Variants in ADAMTS18 observed in about 807,000 individuals in gnomAD.
ADAMTS18 encodes the protein A disintegrin and metalloproteinase with thrombospondin motifs 18.
In ADAMTS18, 157 loss-of-function variants were observed where a neutral mutation model predicts 165.9. The ratio of observed to expected loss-of-function variants is 0.95; its 90% CI spans 0.83 to 1.08. The LOEUF is 1.08. Ranked by LOEUF, ADAMTS18 falls within the 50% of genes least tolerant of loss-of-function variation. The probability of loss-of-function intolerance (pLI) is 0.00; values close to 1 mark genes in which losing one functional copy is unlikely to be tolerated. For synonymous variants in ADAMTS18, 782 were observed against 578.2 expected, an observed-to-expected ratio of 1.35 and a Z score of -5.06; for missense variants, 2,040 against 1,534.0, an observed-to-expected ratio of 1.33 and a Z score of -5.51.
At chr16:77,399,662 G>A (rs917050663) in intron 3 of ADAMTS18, among the ~76,000 whole-genome samples, 9 of 152,082 alleles carry the variant, frequency 5.9e-5, no homozygotes, top group Admixed American at 2.6e-4. Flanking sequence ...AGTTGTCTGG[G>A]GCTGCAAGTA....
At chr16:77,303,025 C>G (rs1171262372) in intron 16 of ADAMTS18, among the ~76,000 whole-genome samples, 1 of 152,202 alleles carries the variant, frequency 6.6e-6, no homozygotes, top group Non-Finnish European at 1.5e-5. Context: ...GGAACTCACA[C>G]AATCTCCCAT....
intron 18 of ADAMTS18, among the ~76,000 whole-genome samples, chr16:77,295,409 A>C (rs2055450190): frequency 6.6e-6 from 1 of 152,172 alleles, no homozygotes; most frequent in Non-Finnish European, 1.5e-5. Context: ...TCATTGAGCC[A>C]AATTTGTTGG....
At chr16:77,301,960 A>C (rs940745899) in intron 16 of ADAMTS18, among the ~76,000 whole-genome samples, 1 of 151,898 alleles carries the variant, frequency 6.6e-6, no homozygotes, top group Non-Finnish European at 1.5e-5. Flanking sequence ...TCTTGAAATC[A>C]AAGTCTTAGG....
At chr16:77,346,073 C>T (rs2056471388) in intron 10 of ADAMTS18, among the ~76,000 whole-genome samples, 1 of 152,126 alleles carries the variant, frequency 6.6e-6, no homozygotes, top group Non-Finnish European at 1.5e-5. Context: ...ACTGGCTGTT[C>T]CACTTCTTCA....
chr16:77,400,424 T>TTGTGTG lies in ADAMTS18; in HGVS notation c.495+30865_495+30870dup, dbSNP rs145473637. Among the ~76,000 whole-genome samples the TTGTGTG allele has an allele frequency of 3.1e-3, 419 of 136,052 alleles. 2 individuals carry two copies. The highest frequency in any genetic ancestry group is 4.8e-3 in the Admixed American group (65 of 13,498). 89.3% of individuals were successfully genotyped at this position (136,052 alleles called of 152,430 possible). A position where few individuals can be genotyped will look rare whatever the true frequency, so the allele number is the denominator to read the frequency against. Reference sequence around the variant, plus strand: ...AGTGAACATCCTATTTCAGGGGGAATTGTGTGTGTGTGTGTGTGTGTGTGT... The same window carrying TTGTGTG: ...AGTGAACATCCTATTTCAGGGGGAATTGTGTGTGTGTGTGTGTGTGTGTGTGTGTGT... On this transcript the variant is annotated intron_variant, in intron 3 of 22. Transcript: ENST00000282849.
intron 3 of ADAMTS18, among the ~76,000 whole-genome samples, chr16:77,395,337 CT>C: frequency 6.6e-6 from 1 of 152,182 alleles, no homozygotes; most frequent in Non-Finnish European, 1.5e-5. Context: ...GTCAAGGACT[CT>C]GTTACTTGGC....
chr16:77,364,750 A>AAG (rs759977957), intron 4 of ADAMTS18, among the ~76,000 whole-genome samples: 2,386 of 144,428 alleles, frequency 0.017, 57 homozygotes, highest in African/African-American at 0.062. Context: ...GAAAGAAAAG[A>AAG]AAAGAAGAAA....
rs1277180900 is a variant in ADAMTS18 at position 77,294,917 on chromosome 16, T to C, written c.3006+6A>G. ...GAATAGTAACTCCCAAGTTTTCTCCTGTTACCTGAGACCAGGGTCCAAGGC... is the reference window on the plus strand; with the variant it reads ...GAATAGTAACTCCCAAGTTTTCTCCCGTTACCTGAGACCAGGGTCCAAGGC... On this transcript the variant is annotated splice_donor_region_variant and intron_variant, in intron 19 of 22. Transcript: ENST00000282849. The C allele has an allele frequency of 6.2e-7, 1 of 1,614,086 alleles. No individual in the cohort carries two copies.
chr16:77,286,514 G>C (rs745391755), intron 22 of ADAMTS18, among the ~76,000 whole-genome samples: 43 of 152,168 alleles, frequency 2.8e-4, no homozygotes, highest in Non-Finnish European at 4.4e-4. Flanking sequence ...ACAGTCTTTC[G>C]AAGTAAGCAT....
intron 3 of ADAMTS18, among the ~76,000 whole-genome samples, chr16:77,409,918 T>C (rs888191196): frequency 6.6e-6 from 1 of 152,266 alleles, no homozygotes; most frequent in Non-Finnish European, 1.5e-5. Context: ...CCTGCTAATA[T>C]TACCGTACTA....
chr16:77,408,115 C>G (rs2144822244), intron 3 of ADAMTS18, among the ~76,000 whole-genome samples: 1 of 152,144 alleles, frequency 6.6e-6, no homozygotes, highest in Non-Finnish European at 1.5e-5. Context: ...GAAAAATTTG[C>G]TCAACTTCTT....
chr16:77,431,301 A>C lies in ADAMTS18; in HGVS notation c.489T>G (p.Ala163=). ...SSSSVAVSTC[A]GLSGLIRTRK... ...CAGACTGGGGTGTACTTACCAAGCCAGCACACGTAGACACAGCGACAGAGG... is the reference window on the plus strand; with the variant it reads ...CAGACTGGGGTGTACTTACCAAGCCCGCACACGTAGACACAGCGACAGAGG... Residue 163 remains alanine (A), a synonymous_variant, in exon 3 of 23, where the codon GCT becomes GCG. Transcript: ENST00000282849. The C allele has an allele frequency of 1.2e-6, 2 of 1,614,188 alleles. No homozygotes were observed. The highest frequency in any genetic ancestry group is 1.7e-6 in the Non-Finnish European group (2 of 1,180,026).
intron 3 of ADAMTS18, among the ~76,000 whole-genome samples, chr16:77,402,877 T>C (rs929787928): frequency 2.6e-5 from 4 of 152,164 alleles, no homozygotes; most frequent in Non-Finnish European, 5.9e-5. Flanking sequence ...TACCTTTGTG[T>C]CCAGCTTCCT....
intron 3 of ADAMTS18, among the ~76,000 whole-genome samples, chr16:77,423,586 A>G (rs951210223): frequency 1.3e-5 from 2 of 152,196 alleles, no homozygotes; most frequent in African/African-American, 4.8e-5. Flanking sequence ...TAGCCAGGAT[A>G]AAGAGTTTTC....
At chr16:77,284,180 G>A in intron 22 of ADAMTS18, 109 bp from the exon 23 acceptor site, 4 of 727,650 alleles carry the variant, frequency 5.5e-6, no homozygotes, top group Non-Finnish European at 7.1e-6. Flanking sequence ...GAGTGCAGTG[G>A]TGTGGTGTGA....
At chr16:77,350,522 G>C (rs547014777) in intron 10 of ADAMTS18, among the ~76,000 whole-genome samples, 55 of 152,168 alleles carry the variant, frequency 3.6e-4, no homozygotes, top group Non-Finnish European at 7.6e-4. Context: ...CCTTTCAAAG[G>C]TGAACTCTAA....
Position 77,329,959 on chromosome 16 carries a change from T to C in ADAMTS18, c.1860-3921A>G, listed in dbSNP as rs371128141. Reference sequence around the variant, plus strand: ...AAGTCCTGACTACAAATAGTTACAATGGTGTTGCTTGGAAGAGTATTAGAA... The same window carrying C: ...AAGTCCTGACTACAAATAGTTACAACGGTGTTGCTTGGAAGAGTATTAGAA... On this transcript the variant is annotated intron_variant, in intron 12 of 22. Coordinates refer to ENST00000282849, the MANE Select transcript of ADAMTS18 (RefSeq NM_199355.4). 2.2e-4 allele frequency among the ~76,000 whole-genome samples: 34 copies of C among 152,326 alleles called. No individual in the cohort carries two copies. In the East Asian group the frequency reaches 5.8e-3, roughly 26 times the overall value.
intron 3 of ADAMTS18, among the ~76,000 whole-genome samples, chr16:77,385,528 G>A (rs534914426): frequency 8.5e-5 from 13 of 152,172 alleles, no homozygotes; most frequent in Admixed American, 2.6e-4. Context: ...AGAAAGACAC[G>A]TGTTTTTACT....
rs139980420 is a variant in ADAMTS18 at position 77,427,486 on chromosome 16, T to A, written c.495+3809A>T. ...CTAGTCAGAGGGAGGCTGGATATAGTAGAAAGGACAGACATGGCAGATCAC... is the reference window on the plus strand; with the variant it reads ...CTAGTCAGAGGGAGGCTGGATATAGAAGAAAGGACAGACATGGCAGATCAC... On this transcript the variant is annotated intron_variant, in intron 3 of 22. Transcript: ENST00000282849. 2.0e-5 allele frequency among the ~76,000 whole-genome samples: 3 copies of A among 152,138 alleles called. No homozygotes were observed. The South Asian group carries it at 6.2e-4, about 31-fold the overall frequency.
Sources: allele counts gnomAD v4.1 joint callset (sites outside exome capture counted in the v4.1 genomes callset), GRCh38; gene constraint gnomAD v4.1.1; transcripts MANE v1.5; gene names NCBI Gene and HGNC (gene_info 2026-07-23, HGNC 2026-07-21).